The following MAP4K3 variants were observed in gnomAD, a reference collection of about 807,000 sequenced individuals.
MAP4K3 encodes the protein mitogen-activated protein kinase kinase kinase kinase 3, also known as MAPK/ERK kinase kinase kinase 3.
MAP4K3 carries 94 observed loss-of-function variants against 143.5 expected under a neutral mutation model. The ratio of observed to expected loss-of-function variants is 0.65; its 90% CI spans 0.55 to 0.78. The LOEUF (loss-of-function observed/expected upper bound fraction) is 0.78. Among genes scored for constraint, MAP4K3 ranks in the 30% least tolerant of loss-of-function variants. The probability of loss-of-function intolerance (pLI) is 0.00; values close to 1 mark genes in which losing one functional copy is unlikely to be tolerated. For missense variants in MAP4K3, 1,077 were observed against 1,068.1 expected (o/e 1.01, Z -0.12); for synonymous variants, 416 against 347.2 (o/e 1.20, Z -2.20).
intron 31 of MAP4K3, among the ~76,000 whole-genome samples, chr2:39,255,105 A>G (rs1680294235): frequency 6.6e-6 from 1 of 152,118 alleles, no homozygotes. Flanking sequence ...TATCATTCTC[A>G]TGCATGTTTT....
chr2:39,297,510 G>A (rs1293787549), intron 16 of MAP4K3, among the ~76,000 whole-genome samples: 2 of 152,126 alleles, frequency 1.3e-5, no homozygotes, highest in African/African-American at 4.8e-5. Context: ...AAGAAAAGGA[G>A]ACAAGCAAGT....
chr2:39,361,575 A>G (rs2148559229), intron 2 of MAP4K3, among the ~76,000 whole-genome samples: 1 of 152,128 alleles, frequency 6.6e-6, no homozygotes, highest in Admixed American at 6.5e-5. Flanking sequence ...CTTCAATAAC[A>G]TATTAGAATA....
intron 1 of MAP4K3, among the ~76,000 whole-genome samples, chr2:39,397,693 G>A (rs1407384255): frequency 1.3e-5 from 2 of 152,124 alleles, no homozygotes; most frequent in Non-Finnish European, 2.9e-5. Context: ...TGAGAAAACA[G>A]CTCTAACAAT....
rs769603207 is a variant in MAP4K3, at chr2:39,356,170, T to G, written c.245+79A>C. On this transcript the variant is annotated intron_variant, in intron 3 of 33. Transcript: ENST00000263881. ...TGAAGAAAAACTACAAAACATGGTA[T>G]TAAAACTAACTTTATTTTGTTTAAT... 8.4e-6 allele frequency: 7 copies of G among 831,114 alleles called. No individual in the cohort carries two copies. In the Admixed American group the frequency reaches 1.9e-4, roughly 22 times the overall value. 51.5% of individuals were successfully genotyped at this position (831,114 alleles called of 1,614,324 possible). A position where few individuals can be genotyped will look rare whatever the true frequency, so the allele number is the denominator to read the frequency against.
intron 1 of MAP4K3, among the ~76,000 whole-genome samples, chr2:39,409,817 T>C (rs1205904724): frequency 1.3e-5 from 2 of 152,218 alleles, no homozygotes; most frequent in Non-Finnish European, 2.9e-5. Context: ...CCTATTTACC[T>C]AGTACTATAA....
chr2:39,289,792 A>G (rs559582534), intron 19 of MAP4K3, among the ~76,000 whole-genome samples: 1 of 152,356 alleles, frequency 6.6e-6, no homozygotes, highest in Non-Finnish European at 1.5e-5. Flanking sequence ...CTTAGAATGA[A>G]CATTAAATAA....
At chr2:39,376,499 G>A (rs1157964545) in intron 2 of MAP4K3, among the ~76,000 whole-genome samples, 1 of 152,136 alleles carries the variant, frequency 6.6e-6, no homozygotes, top group Non-Finnish European at 1.5e-5. Flanking sequence ...TAATTGACTT[G>A]AACAGTAAGC....
intron 1 of MAP4K3, among the ~76,000 whole-genome samples, chr2:39,415,172 G>T (rs1030125698): frequency 2.6e-5 from 4 of 152,146 alleles, no homozygotes; most frequent in African/African-American, 9.7e-5. Context: ...AAATGTTATA[G>T]CTCTCAAAAA....
intron 4 of MAP4K3, among the ~76,000 whole-genome samples, chr2:39,340,239 T>C (rs1665101476): frequency 6.6e-6 from 1 of 152,050 alleles, no homozygotes; most frequent in African/African-American, 2.4e-5. Context: ...TAGAAAGAAA[T>C]GGAGGTACGT....
chr2:39,288,094 A>G lies in MAP4K3; in HGVS notation c.1474+27T>C, dbSNP rs776472426. The G allele has an allele frequency of 2.5e-6, 4 of 1,612,236 alleles. No homozygotes were observed. In the Admixed American group the frequency reaches 5.0e-5, roughly 20 times the overall value. ...CCCCATAGTATGAAAACCTGGTAAC[A>G]TATTTGCTGTCACCCTCCACCATTA... On this transcript the variant is annotated intron_variant, in intron 20 of 33. Transcript: ENST00000263881.
At chr2:39,390,003 C>A (rs1666609514) in intron 1 of MAP4K3, among the ~76,000 whole-genome samples, 1 of 152,098 alleles carries the variant, frequency 6.6e-6, no homozygotes, top group Non-Finnish European at 1.5e-5. Flanking sequence ...GCGAAGTGGA[C>A]AGAGTTAGTG....
At position 39,356,317 on chromosome 2, in the gene MAP4K3, C is replaced by T; in HGVS notation, c.177G>A (p.Gln59=). 2 of 1,597,738 alleles carry T rather than the reference C, an allele frequency of 1.3e-6. No homozygotes were observed. Among genetic ancestry groups the T allele is most frequent in the Middle Eastern group, 1.7e-4 (1 of 6,030 alleles). ...AGTCTTTCATCATAATAATTTCTTG[C>T]TGCACAACTGCAAAGTCTTCTCCTG... ...LEPGEDFAVV[Q]QEIIMMKDCK... Residue 59 remains glutamine, a synonymous_variant, in exon 3 of 34, where the codon CAG becomes CAA. Transcript: ENST00000263881.
chr2:39,425,553 C>T (rs1282137537), intron 1 of MAP4K3, among the ~76,000 whole-genome samples: 1 of 152,020 alleles, frequency 6.6e-6, no homozygotes, highest in Non-Finnish European at 1.5e-5. Context: ...GAAGAGACAC[C>T]AGAAAGTATG....
chr2:39,404,854 C>T (rs1203033149), intron 1 of MAP4K3, among the ~76,000 whole-genome samples: 1 of 152,136 alleles, frequency 6.6e-6, no homozygotes, highest in Non-Finnish European at 1.5e-5. Context: ...CTCCCAACCT[C>T]AGGGGATCCG....
At chr2:39,396,925 G>A (rs1484031976) in intron 1 of MAP4K3, among the ~76,000 whole-genome samples, 1 of 152,062 alleles carries the variant, frequency 6.6e-6, no homozygotes, top group Non-Finnish European at 1.5e-5. Flanking sequence ...TCTATTACTT[G>A]ATCTAAAAGA....
intron 1 of MAP4K3, among the ~76,000 whole-genome samples, chr2:39,425,215 G>A (rs1250298191): frequency 6.6e-6 from 1 of 151,346 alleles, no homozygotes; most frequent in Non-Finnish European, 1.5e-5. Context: ...ACAGGCATGA[G>A]TCAGCATAAA....
rs1399367145 is a variant in MAP4K3 at position 39,333,578 on chromosome 2, C to G, written c.415-4G>C. On this transcript the variant is annotated splice_region_variant and splice_polypyrimidine_tract_variant and intron_variant, in intron 6 of 33. Coordinates refer to ENST00000263881, the MANE Select transcript of MAP4K3 (RefSeq NM_003618.4). The stretch of plus-strand genomic sequence containing the variant: ...CCGTTAATAGAATGTTAGCTCCCTT[C>G]AAAGTAACAATATTTTAGTTAGAGT... The G allele has an allele frequency of 1.3e-6, 2 of 1,580,112 alleles. No individual in the cohort carries two copies. The highest frequency in any genetic ancestry group is 4.5e-5 in the East Asian group (2 of 44,504).
At chr2:39,275,276 G>C (rs1283543679) in intron 24 of MAP4K3, among the ~76,000 whole-genome samples, 1 of 152,178 alleles carries the variant, frequency 6.6e-6, no homozygotes, top group East Asian at 1.9e-4. Flanking sequence ...CTGGAGCCCA[G>C]AAGTTTGAGA....
chr2:39,429,026 C>G (rs1000471858), intron 1 of MAP4K3, among the ~76,000 whole-genome samples: 14 of 126,822 alleles, frequency 1.1e-4, no homozygotes, highest in Non-Finnish European at 2.2e-4. Context: ...AATAGCGCCA[C>G]TGCACTCCAG....
Sources: allele counts gnomAD v4.1 joint callset (sites outside exome capture counted in the v4.1 genomes callset), GRCh38; gene constraint gnomAD v4.1.1; transcripts MANE v1.5; gene names NCBI Gene and HGNC (gene_info 2026-07-23, HGNC 2026-07-21).